ABI3BP: variants seen among roughly 807,000 people sequenced by gnomAD.
ABI3BP encodes target of Nesh-SH3.
A neutral mutation model predicts 268.6 loss-of-function variants in ABI3BP; 216 were observed. That is an observed-to-expected ratio of 0.80 (90% CI 0.72 to 0.90). ABI3BP has a LOEUF of 0.90. ABI3BP is among the 40% of genes least tolerant of loss of function. The pLI is 0.00. For synonymous variants in ABI3BP, 730 were observed against 730.0 expected (o/e 1.00, Z 0.00); for missense variants, 2,090 against 2,182.4 (o/e 0.96, Z 0.84).
chr3:100,827,879 T>C (rs186579759), intron 34 of ABI3BP, among the ~76,000 whole-genome samples: 38 of 152,278 alleles, frequency 2.5e-4, no homozygotes, highest in African/African-American at 9.1e-4. Context: ...CAGTTTATTA[T>C]TTAAATCTAC....
chr3:100,961,976 C>A (rs574085515), intron 1 of ABI3BP, among the ~76,000 whole-genome samples: 1 of 152,252 alleles, frequency 6.6e-6, no homozygotes, highest in African/African-American at 2.4e-5. Context: ...TGTGGATGAG[C>A]CCAACAATCT....
chr3:100,842,523 C>T (rs2098718521), intron 20 of ABI3BP, among the ~76,000 whole-genome samples: 1 of 152,210 alleles, frequency 6.6e-6, no homozygotes, highest in East Asian at 1.9e-4. Flanking sequence ...AAAGCGACCA[C>T]AACTGTTCAT....
At chr3:100,870,432 T>TAA (rs34483547) in intron 9 of ABI3BP, among the ~76,000 whole-genome samples, 2 of 147,256 alleles carry the variant, frequency 1.4e-5, no homozygotes, top group Non-Finnish European at 3.0e-5. Context: ...CTAACAGGTA[T>TAA]AAAAAAAAAA....
At chr3:100,911,465 AGTTT>A (rs1243174746) in intron 2 of ABI3BP, 12 of 384,656 alleles carry the variant, frequency 3.1e-5, no homozygotes, top group African/African-American at 2.3e-4. Context: ...ATCCTTTACT[AGTTT>A]ATTTATTGCT....
intron 62 of ABI3BP, among the ~76,000 whole-genome samples, chr3:100,768,791 T>C (rs951307111): frequency 1.3e-5 from 2 of 152,244 alleles, no homozygotes; most frequent in East Asian, 1.9e-4. Context: ...GGTCTGGGAT[T>C]TAAATCTGTG....
intron 13 of ABI3BP, 44 bp downstream of exon 13, chr3:100,862,794 C>A: frequency 7.4e-7 from 1 of 1,356,674 alleles, no homozygotes; most frequent in Non-Finnish European, 1.0e-6. Context: ...ATTAAGCAAT[C>A]ACCACCCACA....
chr3:100,870,803 C>T (rs1363276430), intron 9 of ABI3BP, among the ~76,000 whole-genome samples: 1 of 152,136 alleles, frequency 6.6e-6, no homozygotes, highest in African/African-American at 2.4e-5. Flanking sequence ...CTTAAATGTT[C>T]ATTGATGAAT....
chr3:100,986,633 A>C (rs2091840770), intron 1 of ABI3BP, among the ~76,000 whole-genome samples: 1 of 152,014 alleles, frequency 6.6e-6, no homozygotes, highest in African/African-American at 2.4e-5. Flanking sequence ...CACCTGGCTA[A>C]TTTTTGTATT....
At chr3:100,790,090 G>T (rs962366935) in intron 55 of ABI3BP, among the ~76,000 whole-genome samples, 1 of 152,054 alleles carries the variant, frequency 6.6e-6, no homozygotes, top group East Asian at 1.9e-4. Flanking sequence ...AATGACATCT[G>T]GTGCCCTGCC....
chr3:100,988,719 G>A (rs992933542), intron 1 of ABI3BP, among the ~76,000 whole-genome samples: 4 of 152,212 alleles, frequency 2.6e-5, no homozygotes, highest in South Asian at 2.1e-4. Context: ...TCCACAAGCT[G>A]GTCAGCTCCC....
chr3:100,917,609 A>C (rs2059007639), intron 2 of ABI3BP, among the ~76,000 whole-genome samples: 1 of 152,172 alleles, frequency 6.6e-6, no homozygotes, highest in African/African-American at 2.4e-5. Context: ...CATGACAAAA[A>C]GGGCCATTAG....
At chr3:100,910,566 G>T (rs534641757) in intron 2 of ABI3BP, among the ~76,000 whole-genome samples, 17 of 151,116 alleles carry the variant, frequency 1.1e-4, no homozygotes, top group Non-Finnish European at 1.5e-4. Context: ...AATAGAGATG[G>T]GTCTCACTAT....
At chr3:100,817,881 A>G (rs539152054) in intron 41 of ABI3BP, among the ~76,000 whole-genome samples, 69 of 152,338 alleles carry the variant, frequency 4.5e-4, no homozygotes, top group Non-Finnish European at 7.5e-4. Flanking sequence ...CTAAGTAACT[A>G]TGGATACAAT....
chr3:100,918,654 G>T (rs1240359004), intron 2 of ABI3BP, among the ~76,000 whole-genome samples: 2 of 151,984 alleles, frequency 1.3e-5, no homozygotes, highest in African/African-American at 4.8e-5. Context: ...AGCAGAGATG[G>T]TGGTGGTGGA....
chr3:100,813,591 T>C (rs1323509298), intron 45 of ABI3BP, 70 bp downstream of exon 45: 1 of 1,189,908 alleles, frequency 8.4e-7, no homozygotes, highest in Non-Finnish European at 1.2e-6. Context: ...TTTGGAAATA[T>C]AACTTAGAGA....
chr3:100,957,978 C>A (rs1362360827), intron 1 of ABI3BP, among the ~76,000 whole-genome samples: 1 of 152,070 alleles, frequency 6.6e-6, no homozygotes, highest in Non-Finnish European at 1.5e-5. Context: ...ACAAGTGACA[C>A]TGAGAAGAAG....
intron 18 of ABI3BP, 141 bp downstream of exon 18, chr3:100,848,660 C>A: frequency 1.3e-6 from 1 of 740,812 alleles, no homozygotes; most frequent in Non-Finnish European, 2.3e-6. Context: ...TTCCTAGCCT[C>A]AAGTGATCCT....
At chr3:100,818,131 A>G (rs986219652) in intron 41 of ABI3BP, among the ~76,000 whole-genome samples, 10 of 152,336 alleles carry the variant, frequency 6.6e-5, no homozygotes, top group Non-Finnish European at 1.3e-4. Flanking sequence ...AAAAAAATCA[A>G]TGTTACACAG....
chr3:100,804,288 T>C, intron 51 of ABI3BP, among the ~76,000 whole-genome samples: 1 of 152,140 alleles, frequency 6.6e-6, no homozygotes, highest in East Asian at 1.9e-4. Flanking sequence ...CCATTGTGTG[T>C]GTGTGAAAGA....
Sources: allele counts gnomAD v4.1 joint callset (sites outside exome capture counted in the v4.1 genomes callset), GRCh38; gene constraint gnomAD v4.1.1; transcripts MANE v1.5; gene names NCBI Gene and HGNC (gene_info 2026-07-23, HGNC 2026-07-21).